VWA3A: variants seen among roughly 807,000 people sequenced by gnomAD.
The protein encoded by VWA3A is von Willebrand factor A domain-containing protein 3A.
Under a neutral mutation model 160.4 loss-of-function variants are expected in VWA3A, and 134 were observed. That is an observed-to-expected ratio of 0.84 (90% CI 0.73 to 0.96). The LOEUF is 0.96. Among genes scored for constraint, VWA3A ranks in the 40% least tolerant of loss-of-function variants. The pLI, the probability that VWA3A is intolerant of heterozygous loss-of-function variation, is 0.00. For synonymous variants in VWA3A, 476 were observed against 543.4 expected, an observed-to-expected ratio of 0.88 and a Z score of 1.72; for missense variants, 1,310 against 1,447.9, an observed-to-expected ratio of 0.90 and a Z score of 1.55.
intron 17 of VWA3A, among the ~76,000 whole-genome samples, chr16:22,129,254 T>C (rs1398787217): frequency 1.3e-5 from 2 of 151,696 alleles, no homozygotes; most frequent in Non-Finnish European, 1.5e-5. Flanking sequence ...CCAGGCGTGG[T>C]GGTGGGCACC....
intron 20 of VWA3A, 113 bp from the exon 21 acceptor site, chr16:22,134,255 C>G (rs551422490): frequency 1.1e-5 from 9 of 804,490 alleles, no homozygotes; most frequent in East Asian, 8.4e-5. Flanking sequence ...GAGTAAGCCA[C>G]CATTCCCAGC....
Position 22,156,274 on chromosome 16 carries a change from A to T in VWA3A, c.*257A>T. ...AGATTGTCCCTCTCTGGGAAGCCCT[A>T]AACCAACCCCCTGCCTAAATGGTGG... On this transcript the variant is annotated 3_prime_UTR_variant, in exon 34 of 34. Transcript: ENST00000389398. The T allele has an allele frequency of 4.5e-6, 1 of 224,508 alleles. No individual in the cohort carries two copies. Among genetic ancestry groups the T allele is most frequent in the Non-Finnish European group, 8.7e-6 (1 of 114,416 alleles). 13.9% of individuals were successfully genotyped at this position (224,508 alleles called of 1,614,324 possible). A position where few individuals can be genotyped will look rare whatever the true frequency, so the allele number is the denominator to read the frequency against.
At chr16:22,121,233 GC>G in intron 13 of VWA3A, 130 bp downstream of exon 13, 1 of 1,415,226 alleles carries the variant, frequency 7.1e-7, no homozygotes, top group Non-Finnish European at 9.6e-7. Context: ...ATCAGTTGAG[GC>G]CAGGGATATG....
In VWA3A at chr16:22,092,665, T is replaced by C; in HGVS notation, c.14+14T>C. 11 of 1,550,686 alleles carry C rather than the reference T, an allele frequency of 7.1e-6. No individual in the cohort carries two copies. Among genetic ancestry groups the C allele is most frequent in the Middle Eastern group, 1.7e-4 (1 of 5,978 alleles). On this transcript the variant is annotated intron_variant, in intron 1 of 33. Coordinates refer to ENST00000389398, the MANE Select transcript of VWA3A (RefSeq NM_173615.5). ...GAAGAAATACAGGTGAGGGTGAGCA[T>C]CACAAGGGTTGACAGGGGTGGTGAG...
chr16:22,152,739 C>T (rs2046372539), intron 31 of VWA3A, 105 bp downstream of exon 31: 1 of 1,479,858 alleles, frequency 6.8e-7, no homozygotes, highest in South Asian at 1.2e-5. Flanking sequence ...AGTGAACCTC[C>T]CACCTCGGCC....
At chr16:22,129,960 T>C (rs1185581034) in intron 17 of VWA3A, among the ~76,000 whole-genome samples, 1 of 152,038 alleles carries the variant, frequency 6.6e-6, no homozygotes, top group East Asian at 1.9e-4. Context: ...GGATGAGGCA[T>C]GTGGATCACT....
intron 20 of VWA3A, among the ~76,000 whole-genome samples, chr16:22,133,649 C>CAAAAAAAAAA (rs1230000179): frequency 1.2e-5 from 1 of 82,060 alleles, no homozygotes; most frequent in Non-Finnish European, 2.6e-5. Flanking sequence ...AACTCTGTCT[C>CAAAAAAAAAA]AAAAAAAAAA....
At chr16:22,125,004 AT>A (rs1466312555) in intron 16 of VWA3A, among the ~76,000 whole-genome samples, 1 of 152,200 alleles carries the variant, frequency 6.6e-6, no homozygotes, top group Non-Finnish European at 1.5e-5. Flanking sequence ...AAACAAAAAG[AT>A]AAAAATATTT....
At chr16:22,142,622 C>T (rs1165530888) in intron 24 of VWA3A, 46 bp from the exon 25 acceptor site, 15 of 1,452,416 alleles carry the variant, frequency 1.0e-5, no homozygotes, top group South Asian at 4.9e-5. Flanking sequence ...TTTGCAGGGG[C>T]TCAACCATCC....
intron 17 of VWA3A, among the ~76,000 whole-genome samples, chr16:22,129,239 A>G (rs892866781): frequency 6.6e-6 from 1 of 151,858 alleles, no homozygotes; most frequent in Middle Eastern, 3.2e-3. Context: ...AATACAAAAA[A>G]TTAGCCAGGC....
At chr16:22,105,459 C>T (rs1042973400) in intron 6 of VWA3A, among the ~76,000 whole-genome samples, 4 of 152,180 alleles carry the variant, frequency 2.6e-5, no homozygotes, top group African/African-American at 7.2e-5. Flanking sequence ...AAAGTGGCCT[C>T]GCTTCTCTGG....
intron 22 of VWA3A, among the ~76,000 whole-genome samples, chr16:22,139,353 C>T (rs2046101742): frequency 6.6e-6 from 1 of 152,156 alleles, no homozygotes; most frequent in Non-Finnish European, 1.5e-5. Context: ...TGTTTAATGA[C>T]CGCCACACTC....
At chr16:22,152,153 G>A (rs959300753) in intron 30 of VWA3A, among the ~76,000 whole-genome samples, 6 of 152,196 alleles carry the variant, frequency 3.9e-5, no homozygotes, top group African/African-American at 1.4e-4. Flanking sequence ...TGAGGTTGCA[G>A]TGAGCCAAGA....
Position 22,117,140 on chromosome 16 carries a change from T to C in VWA3A, c.954T>C (p.Val318=). 1 of 1,584,596 alleles carries C rather than the reference T, an allele frequency of 6.3e-7. No homozygotes were observed. Among genetic ancestry groups the C allele is most frequent in the Non-Finnish European group, 8.6e-7 (1 of 1,165,238 alleles). ...TCCTGAAGAACCTTGCAGAAGCTGT[T>C]AGGGGCTACTACCACTGCTACAGCC... is the stretch of plus-strand genomic sequence containing the variant. ...PAVLKNLAEA[V]RGYYHCYSPK... is the part of the protein sequence containing the mutation. Residue 318 remains valine (V), a synonymous_variant, in exon 11 of 34, where the codon GTT becomes GTC. Transcript: ENST00000389398.
At chr16:22,120,885 A>C in intron 12 of VWA3A, 83 bp from the exon 13 acceptor site, 1 of 1,535,748 alleles carries the variant, frequency 6.5e-7, no homozygotes, top group Non-Finnish European at 8.9e-7. Context: ...CTCCACTTGC[A>C]TTGACTGGGT....
intron 3 of VWA3A, 136 bp downstream of exon 3, chr16:22,097,831 T>C (rs760235210): frequency 8.3e-7 from 1 of 1,204,382 alleles, no homozygotes; most frequent in Non-Finnish European, 1.1e-6. Context: ...CATTTATCTC[T>C]AATCCTCTGC....
intron 1 of VWA3A, 42 bp downstream of exon 1, chr16:22,092,693 G>T: frequency 6.5e-7 from 1 of 1,549,760 alleles, no homozygotes; most frequent in South Asian, 1.2e-5. Context: ...GTGGTGAGAG[G>T]GTGTCGGGGA....
At position 22,134,428 on chromosome 16, in the gene VWA3A, A is replaced by ACTC; in HGVS notation, c.2131_2133dup (p.Ser711dup). The ACTC allele has an allele frequency of 1.3e-6, 2 of 1,592,198 alleles. No individual in the cohort carries two copies. Among genetic ancestry groups the ACTC allele is most frequent in the South Asian group, 2.3e-5 (2 of 87,212 alleles). Reference sequence around the variant, plus strand: ...TCTGAGATGGAAAAGGCTCTCAACTACTCCCAAAAGGTATGCCCTGGGCAT... The same window carrying ACTC: ...TCTGAGATGGAAAAGGCTCTCAACTACTCCTCCCAAAAGGTATGCCCTGGGCAT... On this transcript the variant is annotated inframe_insertion, in exon 21 of 34. Coordinates refer to ENST00000389398, the MANE Select transcript of VWA3A (RefSeq NM_173615.5).
At chr16:22,123,759 G>A in intron 16 of VWA3A, 52 bp downstream of exon 16, 1 of 1,510,044 alleles carries the variant, frequency 6.6e-7, no homozygotes, top group Non-Finnish European at 9.1e-7. Flanking sequence ...TGTGTGACGT[G>A]ACATTTATCC....
Sources: gnomAD v4.1 joint callset for allele counts (sites outside exome capture counted in the v4.1 genomes callset) on GRCh38, gnomAD v4.1.1 for gene constraint, MANE v1.5 for transcripts, NCBI Gene and HGNC (gene_info 2026-07-23, HGNC 2026-07-21) for gene names.